The following HNRNPC variants were observed in gnomAD, a reference collection of about 807,000 sequenced individuals.
The protein encoded by HNRNPC is heterogeneous nuclear ribonucleoprotein C.
In HNRNPC, 3 loss-of-function variants were observed where a neutral mutation model predicts 33.2. The ratio of observed to expected loss-of-function variants is 0.09; its 90% CI spans 0.04 to 0.23. The LOEUF is 0.23. HNRNPC is among the 10% of genes least tolerant of loss of function. The pLI is 1.00. For missense variants in HNRNPC, 143 were observed against 366.7 expected (o/e 0.39, Z 4.98); for synonymous variants, 121 against 126.7 (o/e 0.96, Z 0.30).
chr14:21,230,136 C>T (rs1893950544), intron 5 of HNRNPC, among the ~76,000 whole-genome samples, 183 bp downstream of exon 5: 1 of 152,084 alleles, frequency 6.6e-6, no homozygotes, highest in Non-Finnish European at 1.5e-5. Flanking sequence ...TGAAATAATG[C>T]ATTAAAATCA....
At chr14:21,267,075 G>A (rs35141059) in intron 1 of HNRNPC, among the ~76,000 whole-genome samples, 51,884 of 136,104 alleles carry the variant, frequency 0.38, 9,352 homozygotes, top group Admixed American at 0.47. Flanking sequence ...AGCCTAGGGC[G>A]ACAGAGCGAG....
chr14:21,256,110 A>C (rs1877152674), intron 2 of HNRNPC, among the ~76,000 whole-genome samples: 1 of 152,208 alleles, frequency 6.6e-6, no homozygotes, highest in African/African-American at 2.4e-5. Context: ...TTTGACTTCA[A>C]TGCTGAAAAA....
At chr14:21,256,812 C>T (rs1192934420) in intron 2 of HNRNPC, among the ~76,000 whole-genome samples, 1 of 152,012 alleles carries the variant, frequency 6.6e-6, no homozygotes, top group African/African-American at 2.4e-5. Context: ...GCCACCACTC[C>T]TGGCTAATTT....
chr14:21,249,581 G>C, intron 2 of HNRNPC, among the ~76,000 whole-genome samples: 1 of 112,408 alleles, frequency 8.9e-6, no homozygotes, highest in Non-Finnish European at 1.7e-5. Flanking sequence ...AGCGAAAACT[G>C]TGTCTCAAAA....
chr14:21,219,010 T>A lies in HNRNPC; in HGVS notation c.366-5893A>T, dbSNP rs1446020754. On this transcript the variant is annotated intron_variant, in intron 5 of 8. Transcript: ENST00000553300. ...TTGTAGTCCCAGCTACTTGGGAGGC[T>A]AAGGCAGGAGAATCGCTTGAACCCA... is the stretch of plus-strand genomic sequence containing the variant. Among the ~76,000 whole-genome samples, 4 of 146,364 alleles carry A rather than the reference T, an allele frequency of 2.7e-5. No individual in the cohort carries two copies. The Admixed American group carries it at 2.8e-4, about 10-fold the overall frequency.
At chr14:21,213,395 T>A in intron 5 of HNRNPC, 1 of 382,406 alleles carries the variant, frequency 2.6e-6, no homozygotes, top group Non-Finnish European at 4.8e-6. Context: ...CCTTTGGCAC[T>A]GGATATAAAT....
intron 2 of HNRNPC, among the ~76,000 whole-genome samples, chr14:21,248,782 G>GC (rs1566632831): frequency 6.6e-6 from 1 of 152,220 alleles, no homozygotes; most frequent in Non-Finnish European, 1.5e-5. Context: ...AACCCATACT[G>GC]CATTTCCAGA....
In HNRNPC at chr14:21,213,645, T is replaced by G. The variant is rs145230279; in HGVS notation, c.366-528A>C. Among the ~76,000 whole-genome samples the G allele has an allele frequency of 8.0e-3, 1,213 of 152,290 alleles. 20 individuals are homozygous for G. Among genetic ancestry groups the G allele is most frequent in the African/African-American group, 0.028 (1,158 of 41,566 alleles). ...ACTAGTGATATAAGGTTGAACCATA[T>G]AAAATTTCAGATCTATAAAATCAGG... On this transcript the variant is annotated intron_variant, in intron 5 of 8. Coordinates refer to ENST00000553300, the MANE Select transcript of HNRNPC (RefSeq NM_004500.4).
At chr14:21,259,968 G>A (rs1877914909) in intron 2 of HNRNPC, among the ~76,000 whole-genome samples, 1 of 150,584 alleles carries the variant, frequency 6.6e-6, no homozygotes. Flanking sequence ...GGGAGGCCGA[G>A]GCGGGCGGAT....
intron 2 of HNRNPC, chr14:21,234,717 T>C (rs925811908): frequency 1.3e-5 from 2 of 153,458 alleles, no homozygotes; most frequent in Non-Finnish European, 2.9e-5. Flanking sequence ...AAACGTCAAA[T>C]TCTGTCCCAA....
Position 21,218,704 on chromosome 14 carries a change from A to C in HNRNPC, c.366-5587T>G, listed in dbSNP as rs112168457. Among the ~76,000 whole-genome samples the C allele has an allele frequency of 7.0e-3, 956 of 136,840 alleles. 27 individuals carry two copies. Among genetic ancestry groups the C allele is most frequent in the African/African-American group, 0.023 (826 of 36,218 alleles). The allele number at this position is 136,840 out of a possible 152,430, so 89.8% of individuals were successfully genotyped here. On this transcript the variant is annotated intron_variant, in intron 5 of 8. Transcript: ENST00000553300. Reference sequence around the variant, plus strand: ...CTCAAAAAAAAAAAAAAAAAAAAAAAAAAACTGAAATTGAGTCACATGCAG... The same window carrying C: ...CTCAAAAAAAAAAAAAAAAAAAAAACAAAACTGAAATTGAGTCACATGCAG...
intron 2 of HNRNPC, among the ~76,000 whole-genome samples, chr14:21,249,404 A>C (rs1206998704): frequency 4.8e-5 from 7 of 146,934 alleles, no homozygotes; most frequent in Non-Finnish European, 1.0e-4. Context: ...GTGAAACCCT[A>C]TCTCTACTAA....
chr14:21,268,827 C>T (rs1879454399), intron 1 of HNRNPC, among the ~76,000 whole-genome samples: 1 of 152,088 alleles, frequency 6.6e-6, no homozygotes, highest in African/African-American at 2.4e-5. Context: ...TTTGTTAAAC[C>T]TTTCTCGTAG....
intron 2 of HNRNPC, among the ~76,000 whole-genome samples, chr14:21,253,913 A>T (rs912750464): frequency 2.0e-4 from 31 of 151,888 alleles, no homozygotes; most frequent in African/African-American, 5.3e-4. Flanking sequence ...AAAAAAAATT[A>T]AAAAATTAGC....
At chr14:21,227,291 G>A (rs1451309889) in intron 5 of HNRNPC, among the ~76,000 whole-genome samples, 2 of 152,076 alleles carry the variant, frequency 1.3e-5, no homozygotes, top group Non-Finnish European at 2.9e-5. Context: ...CCCAACTTGA[G>A]TAAGTTCCCA....
intron 1 of HNRNPC, chr14:21,265,098 C>T (rs1878759324): frequency 6.6e-6 from 1 of 152,160 alleles, no homozygotes; most frequent in Non-Finnish European, 1.5e-5. Context: ...AAGTACCATA[C>T]ATTTTTAAAA....
At chr14:21,237,742 T>C (rs1894868586) in intron 2 of HNRNPC, among the ~76,000 whole-genome samples, 1 of 152,198 alleles carries the variant, frequency 6.6e-6, no homozygotes. Context: ...TACAATAGTT[T>C]AGATAAGTAA....
intron 5 of HNRNPC, among the ~76,000 whole-genome samples, chr14:21,223,741 A>G (rs762388548): frequency 6.6e-6 from 1 of 152,160 alleles, no homozygotes; most frequent in Non-Finnish European, 1.5e-5. Context: ...GAGCCACATC[A>G]GGTCTCAAAA....
intron 5 of HNRNPC, among the ~76,000 whole-genome samples, chr14:21,221,814 G>A (rs865959458): frequency 6.6e-5 from 10 of 152,172 alleles, no homozygotes; most frequent in Middle Eastern, 3.4e-3. Flanking sequence ...CTTTGAGGCC[G>A]AGGCAGGCAG....
Sources: allele counts gnomAD v4.1 joint callset (sites outside exome capture counted in the v4.1 genomes callset), GRCh38; gene constraint gnomAD v4.1.1; transcripts MANE v1.5; gene names NCBI Gene and HGNC (gene_info 2026-07-23, HGNC 2026-07-21).